Variants in LAMA3 observed in about 807,000 individuals in gnomAD.
The protein encoded by LAMA3 is laminin subunit alpha-3.
In LAMA3, 281 loss-of-function variants were observed where a neutral mutation model predicts 402.0. The ratio of observed to expected loss-of-function variants is 0.70; its 90% CI spans 0.63 to 0.77. The LOEUF (loss-of-function observed/expected upper bound fraction) is 0.77, where lower values mean the gene tolerates loss of function less well. Ranked by LOEUF, LAMA3 falls within the 30% of genes least tolerant of loss-of-function variation. The probability of loss-of-function intolerance (pLI) is 0.00; values close to 1 mark genes in which losing one functional copy is unlikely to be tolerated. For missense variants in LAMA3, 3,840 were observed against 4,215.5 expected, an observed-to-expected ratio of 0.91 and a Z score of 2.47; for synonymous variants, 1,431 against 1,558.4, an observed-to-expected ratio of 0.92 and a Z score of 1.93.
At chr18:23,766,081 G>A (rs2062070179) in intron 8 of LAMA3, among the ~76,000 whole-genome samples, 1 of 152,086 alleles carries the variant, frequency 6.6e-6, no homozygotes, top group Non-Finnish European at 1.5e-5. Context: ...CTCAAATTTT[G>A]CAATAGGCTA....
intron 39 of LAMA3, among the ~76,000 whole-genome samples, chr18:23,878,841 T>G (rs577498569): frequency 1.2e-4 from 18 of 152,240 alleles, no homozygotes; most frequent in African/African-American, 4.3e-4. Context: ...GCAGTAGGTG[T>G]CCAGTGTCAA....
In LAMA3 at chr18:23,826,792, CAAG is replaced by C; in HGVS notation, c.2665_2667del (p.Glu889del). 6.4e-7 allele frequency: 1 copy of C among 1,557,542 alleles called. No individual in the cohort carries two copies. On this transcript the variant is annotated inframe_deletion, in exon 22 of 75. Coordinates refer to ENST00000313654, the MANE Select transcript of LAMA3 (RefSeq NM_198129.4). ...ACCATGTGCCTACGCAGGACCTCCC[CAAG>C]AAAAGTCAGTGTGGGGCAGAAGGTG... is the stretch of plus-strand genomic sequence containing the variant.
At chr18:23,725,334 C>A (rs2061280890) in intron 2 of LAMA3, among the ~76,000 whole-genome samples, 1 of 152,216 alleles carries the variant, frequency 6.6e-6, no homozygotes, top group African/African-American at 2.4e-5. Flanking sequence ...TGGTCTTGAA[C>A]TCCTGACCTC....
intron 22 of LAMA3, among the ~76,000 whole-genome samples, 173 bp from the exon 23 acceptor site, chr18:23,827,141 A>G (rs969035700): frequency 1.3e-5 from 2 of 152,238 alleles, no homozygotes; most frequent in Non-Finnish European, 2.9e-5. Flanking sequence ...TTCCCCATGC[A>G]GATGAAAATT....
chr18:23,876,458 C>T, intron 39 of LAMA3, 51 bp downstream of exon 39: 1 of 1,205,930 alleles, frequency 8.3e-7, no homozygotes, highest in Non-Finnish European at 1.2e-6. Flanking sequence ...GTTTCTCCTC[C>T]ATTCCCCTGT....
In LAMA3 at chr18:23,933,795, C is replaced by A. The variant is rs542345560; in HGVS notation, c.8722C>A (p.Pro2908Thr). ...NVFVQRLSLSPEVLDLTSNSL... is the reference protein window; with the variant it reads ...NVFVQRLSLSTEVLDLTSNSL... ...CTCTTTTTCCAGGTTATCACTGAGTCCTGAAGTCCTAGATTTGACCAGTAA... is the reference window on the plus strand; with the variant it reads ...CTCTTTTTCCAGGTTATCACTGAGTACTGAAGTCCTAGATTTGACCAGTAA... The change falls in exon 67 of 75, where the codon CCT becomes ACT. Residue 2908 changes from proline (P) to threonine (T), a missense_variant. This residue lies in a region of LAMA3 where 840 missense variants were observed against 981.9 expected (regional missense o/e 0.86). Transcript: ENST00000313654. 6.2e-7 allele frequency: 1 copy of A among 1,614,122 alleles called. No homozygotes were observed. Among genetic ancestry groups the A allele is most frequent in the Admixed American group, 1.7e-5 (1 of 60,026 alleles).
chr18:23,934,457 G>A (rs148242960), intron 67 of LAMA3, among the ~76,000 whole-genome samples: 2 of 152,250 alleles, frequency 1.3e-5, no homozygotes, highest in East Asian at 3.9e-4. Context: ...AGCTCCCCAG[G>A]TGATTCTGAA....
At chr18:23,858,261 T>G (rs1163171521) in intron 33 of LAMA3, among the ~76,000 whole-genome samples, 1 of 152,152 alleles carries the variant, frequency 6.6e-6, no homozygotes, top group East Asian at 1.9e-4. Flanking sequence ...TATCTACAGT[T>G]TCATGAGGTT....
intron 12 of LAMA3, among the ~76,000 whole-genome samples, chr18:23,789,907 C>T (rs2062618108): frequency 6.6e-6 from 1 of 152,130 alleles, no homozygotes; most frequent in African/African-American, 2.4e-5. Context: ...AGGGTTATTC[C>T]TCCCCAGACA....
chr18:23,898,878 G>A (rs765027737), intron 45 of LAMA3, 30 bp downstream of exon 45: 34 of 1,572,926 alleles, frequency 2.2e-5, no homozygotes, highest in Non-Finnish European at 2.6e-5. Context: ...TAACTTTGGG[G>A]TTTTTTTGCT....
intron 62 of LAMA3, among the ~76,000 whole-genome samples, chr18:23,923,882 C>A (rs533469029): frequency 1.4e-4 from 22 of 152,292 alleles, no homozygotes; most frequent in African/African-American, 5.1e-4. Context: ...GTAGGTAGAA[C>A]CACAAAAGAG....
At chr18:23,738,864 G>C (rs892719872) in intron 2 of LAMA3, among the ~76,000 whole-genome samples, 4 of 152,218 alleles carry the variant, frequency 2.6e-5, no homozygotes, top group African/African-American at 9.6e-5. Flanking sequence ...TGAGCCCAGC[G>C]GGTGCATCCC....
At chr18:23,707,725 C>A (rs57475022) in intron 1 of LAMA3, among the ~76,000 whole-genome samples, 2,234 of 151,988 alleles carry the variant, frequency 0.015, 47 homozygotes, top group African/African-American at 0.051. Flanking sequence ...GTCACCAACT[C>A]CCTGGGCTCA....
rs983453144 is a variant in LAMA3, at chr18:23,904,055, G to T, written c.6441G>T (p.Arg2147=). The T allele has an allele frequency of 1.9e-6, 3 of 1,613,988 alleles. No homozygotes were observed. The South Asian group carries it at 3.3e-5, about 18-fold the overall frequency. The change falls in exon 50 of 75, where the codon CGG becomes CGT. Residue 2147 remains arginine (R), a synonymous_variant. Coordinates refer to ENST00000313654, the MANE Select transcript of LAMA3 (RefSeq NM_198129.4). ...SLVEEAEKHA[R]SLQELAKQLE... is the part of the protein sequence containing the mutation. Reference sequence around the variant, plus strand: ...TGGAGGAGGCAGAAAAGCACGCGCGGTCCTTACAAGAGCTGGCAAAGCAGC... The same window carrying T: ...TGGAGGAGGCAGAAAAGCACGCGCGTTCCTTACAAGAGCTGGCAAAGCAGC...
At position 23,784,959 on chromosome 18, in the gene LAMA3, G is replaced by A. The variant is rs536483906; in HGVS notation, c.1603+802G>A. Among the ~76,000 whole-genome samples, 51 of 152,302 alleles carry A rather than the reference G, an allele frequency of 3.3e-4. No individual in the cohort carries two copies. The South Asian group carries it at 4.3e-3, about 13-fold the overall frequency. ...AAAGAGATTTATTATAGGTAATTAG[G>A]TGCTAGCCCAGAGGAGTTGTTAAGA... On this transcript the variant is annotated intron_variant, in intron 12 of 74. Coordinates refer to ENST00000313654, the MANE Select transcript of LAMA3 (RefSeq NM_198129.4).
chr18:23,916,515 T>G (rs763478272), intron 59 of LAMA3, 36 bp from the exon 60 acceptor site: 1 of 1,611,746 alleles, frequency 6.2e-7, no homozygotes, highest in Non-Finnish European at 8.5e-7. Flanking sequence ...GATCATTTGC[T>G]GCTGTGTTCT....
At chr18:23,943,229 C>T (rs1349559473) in intron 68 of LAMA3, among the ~76,000 whole-genome samples, 1 of 152,186 alleles carries the variant, frequency 6.6e-6, no homozygotes, top group Non-Finnish European at 1.5e-5. Context: ...CATGAGGTAT[C>T]TCAAGTAGTC....
chr18:23,734,070 C>A (rs79709429), intron 2 of LAMA3, among the ~76,000 whole-genome samples: 2 of 152,224 alleles, frequency 1.3e-5, no homozygotes, highest in African/African-American at 2.4e-5. Flanking sequence ...CCATGGCCAG[C>A]GTGGGACACG....
chr18:23,799,279 C>T (rs1284429393), intron 12 of LAMA3, among the ~76,000 whole-genome samples: 1 of 152,106 alleles, frequency 6.6e-6, no homozygotes, highest in Non-Finnish European at 1.5e-5. Flanking sequence ...TCCGGAAACT[C>T]CAAGGGACCT....
Sources: allele counts gnomAD v4.1 joint callset (sites outside exome capture counted in the v4.1 genomes callset), GRCh38; gene constraint gnomAD v4.1.1; regional missense constraint gnomAD v4.1.1; transcripts MANE v1.5; gene names NCBI Gene and HGNC (gene_info 2026-07-23, HGNC 2026-07-21).